The following SOX5 variants were observed in gnomAD, a reference collection of about 807,000 sequenced individuals.
SOX5 encodes transcription factor SOX-5.
In SOX5, 9 loss-of-function variants were observed where a neutral mutation model predicts 92.0. The ratio of observed to expected loss-of-function variants is 0.10; its 90% CI spans 0.06 to 0.17. The LOEUF is 0.17. SOX5 is among the 10% of genes least tolerant of loss of function. SOX5 has a pLI of 1.00. For synonymous variants in SOX5, 344 were observed against 336.3 expected, an observed-to-expected ratio of 1.02 and a Z score of -0.25; for missense variants, 642 against 944.5, an observed-to-expected ratio of 0.68 and a Z score of 4.20.
At chr12:23,795,127 T>C (rs1269000965) in intron 3 of SOX5, among the ~76,000 whole-genome samples, 2 of 152,080 alleles carry the variant, frequency 1.3e-5, no homozygotes, top group Non-Finnish European at 2.9e-5. Flanking sequence ...ACACCTAACA[T>C]AGTTAGGATT....
chr12:23,876,228 C>G (rs1248408352), intron 2 of SOX5, among the ~76,000 whole-genome samples: 2 of 152,136 alleles, frequency 1.3e-5, no homozygotes, highest in Admixed American at 6.5e-5. Context: ...ATCTATCCAC[C>G]TGACAAAGGG....
intron 6 of SOX5, among the ~76,000 whole-genome samples, chr12:23,726,090 G>T (rs368241545): frequency 4.9e-4 from 70 of 143,336 alleles, no homozygotes; most frequent in African/African-American, 1.7e-3. Context: ...CTTTTCTGAA[G>T]AATAATGGTG....
intron 4 of SOX5, among the ~76,000 whole-genome samples, chr12:24,158,965 AAAT>A (rs1462972948): frequency 6.6e-6 from 1 of 151,986 alleles, no homozygotes; most frequent in Non-Finnish European, 1.5e-5. Flanking sequence ...ATTAAAAACA[AAAT>A]AATACTTTCA....
At chr12:24,201,250 C>A (rs77378510) in intron 4 of SOX5, among the ~76,000 whole-genome samples, 1 of 151,992 alleles carries the variant, frequency 6.6e-6, no homozygotes, top group Non-Finnish European at 1.5e-5. Context: ...CCATGTTGTG[C>A]GCTCATGTGG....
chr12:23,885,848 A>T (rs1568628291), intron 2 of SOX5, among the ~76,000 whole-genome samples: 1 of 142,562 alleles, frequency 7.0e-6, no homozygotes, highest in Non-Finnish European at 1.5e-5. Flanking sequence ...GGGAAAAAAA[A>T]TTGCTTTCCA....
At chr12:24,103,006 A>G (rs1946264103) in intron 4 of SOX5, among the ~76,000 whole-genome samples, 1 of 152,220 alleles carries the variant, frequency 6.6e-6, no homozygotes, top group Non-Finnish European at 1.5e-5. Flanking sequence ...ATCCCTGACT[A>G]ATAGGCCTAG....
chr12:24,288,399 T>C lies in SOX5; in HGVS notation c.-173-11087A>G, dbSNP rs542516948. 6.7e-4 allele frequency among the ~76,000 whole-genome samples: 102 copies of C among 152,328 alleles called. No homozygotes were observed. In the South Asian group the frequency reaches 0.013, roughly 19 times the overall value. On this transcript the variant is annotated intron_variant, in intron 2 of 4. Transcript: ENST00000446891. The stretch of plus-strand genomic sequence containing the variant: ...ATAATGCTTTCAGAGTATAACATTT[T>C]CTGGGTGCTAATGACTGGTTTGGCC...
At chr12:24,498,976 C>T (rs563504077) in intron 1 of SOX5, among the ~76,000 whole-genome samples, 1 of 152,164 alleles carries the variant, frequency 6.6e-6, no homozygotes, top group South Asian at 2.1e-4. Flanking sequence ...TTGGCTCCTT[C>T]TTTGCATTCA....
intron 6 of SOX5, among the ~76,000 whole-genome samples, chr12:23,715,075 G>A (rs569233801): frequency 6.6e-6 from 1 of 152,088 alleles, no homozygotes; most frequent in East Asian, 1.9e-4. Flanking sequence ...CGAGGCGGGC[G>A]GATCACGAGG....
intron 1 of SOX5, among the ~76,000 whole-genome samples, chr12:24,371,728 C>G (rs1160079323): frequency 6.6e-6 from 1 of 152,176 alleles, no homozygotes; most frequent in Non-Finnish European, 1.5e-5. Context: ...TGGCTCACAC[C>G]TGTAATCTCA....
intron 9 of SOX5, among the ~76,000 whole-genome samples, chr12:23,587,538 T>C (rs1485786834): frequency 6.6e-6 from 1 of 152,124 alleles, no homozygotes; most frequent in Admixed American, 6.6e-5. Flanking sequence ...GAATTTTTTC[T>C]ATCCCATAGA....
rs530828526 is a variant in SOX5 at position 24,012,849 on chromosome 12, A to G, written c.-1-116825T>C. ...GAAGACAAGAGACATCACTAGCGCA[A>G]TGGAGAACTACCAAACACTTCCTAA... is the stretch of plus-strand genomic sequence containing the variant. On this transcript the variant is annotated intron_variant, in intron 4 of 4. Transcript: ENST00000446891. Among the ~76,000 whole-genome samples the G allele has an allele frequency of 3.9e-5, 6 of 152,278 alleles. No homozygotes were observed. The East Asian group carries it at 5.8e-4, about 15-fold the overall frequency.
chr12:24,346,586 G>T (rs1953285336), intron 2 of SOX5, among the ~76,000 whole-genome samples: 1 of 151,832 alleles, frequency 6.6e-6, no homozygotes, highest in Non-Finnish European at 1.5e-5. Context: ...CCAAGTAGCT[G>T]GGACTACAGG....
At chr12:23,911,258 C>T (rs1306566341) in intron 1 of SOX5, among the ~76,000 whole-genome samples, 1 of 152,020 alleles carries the variant, frequency 6.6e-6, no homozygotes, top group Non-Finnish European at 1.5e-5. Flanking sequence ...CTATCCAATA[C>T]TTACAAAACC....
intron 2 of SOX5, 41 bp downstream of exon 2, chr12:23,895,752 C>T: frequency 1.4e-6 from 2 of 1,436,018 alleles, no homozygotes; most frequent in Admixed American, 1.7e-5. Context: ...GTAGACTGGT[C>T]AAAAAGTGAG....
At chr12:24,117,606 G>T (rs1948158146) in intron 4 of SOX5, among the ~76,000 whole-genome samples, 1 of 152,104 alleles carries the variant, frequency 6.6e-6, no homozygotes, top group Non-Finnish European at 1.5e-5. Context: ...GAAAATATGG[G>T]ATTATACACA....
intron 4 of SOX5, among the ~76,000 whole-genome samples, chr12:24,168,647 G>T (rs1013753346): frequency 6.6e-6 from 1 of 152,068 alleles, no homozygotes; most frequent in Admixed American, 6.6e-5. Context: ...TTCACAGCAG[G>T]CCACTTTAAT....
chr12:23,606,059 C>T (rs909147899), intron 8 of SOX5, among the ~76,000 whole-genome samples: 1 of 151,922 alleles, frequency 6.6e-6, no homozygotes, highest in Non-Finnish European at 1.5e-5. Context: ...TGAGAGTTTA[C>T]TATTTAAAGA....
intron 3 of SOX5, among the ~76,000 whole-genome samples, chr12:23,771,743 TA>T (rs2094942276): frequency 6.6e-6 from 1 of 152,228 alleles, no homozygotes; most frequent in African/African-American, 2.4e-5. Flanking sequence ...GGGCATTTCA[TA>T]TAGACACCTT....
Sources: allele counts gnomAD v4.1 joint callset (sites outside exome capture counted in the v4.1 genomes callset), GRCh38; gene constraint gnomAD v4.1.1; transcripts MANE v1.5; gene names NCBI Gene and HGNC (gene_info 2026-07-23, HGNC 2026-07-21).